The following DNAI3 variants were observed in gnomAD, a reference collection of about 807,000 sequenced individuals.
DNAI3 encodes the protein dynein axonemal intermediate chain 3, also known as WD repeat domain 63.
DNAI3 carries 83 observed loss-of-function variants against 115.5 expected under a neutral mutation model. The observed-to-expected ratio is 0.72, with a 90% CI of 0.60 to 0.86. DNAI3 has a LOEUF of 0.86. DNAI3 is among the 40% of genes least tolerant of loss of function. The probability of loss-of-function intolerance (pLI) is 0.00; values close to 1 mark genes in which losing one functional copy is unlikely to be tolerated. For missense variants in DNAI3, 1,004 were observed against 1,075.8 expected (o/e 0.93, Z 0.93); for synonymous variants, 320 against 347.0 (o/e 0.92, Z 0.86).
chr1:85,102,409 TG>T (rs976664256), intron 13 of DNAI3, among the ~76,000 whole-genome samples: 1 of 152,026 alleles, frequency 6.6e-6, no homozygotes, highest in Non-Finnish European at 1.5e-5. Context: ...GTACCAAATA[TG>T]GTAAATATAA....
chr1:85,107,967 A>T, intron 14 of DNAI3, 66 bp from the exon 15 acceptor site: 1 of 1,188,138 alleles, frequency 8.4e-7, no homozygotes, highest in Non-Finnish European at 1.1e-6. Context: ...TAGCAGCATT[A>T]ATGGTAGTCC....
intron 15 of DNAI3, among the ~76,000 whole-genome samples, chr1:85,109,446 A>C (rs1464938463): frequency 4.6e-5 from 7 of 152,236 alleles, no homozygotes; most frequent in Non-Finnish European, 8.8e-5. Flanking sequence ...TGAGCTATGA[A>C]TAGTTCAAAC....
At chr1:85,077,759 G>A (rs897068216) in intron 3 of DNAI3, among the ~76,000 whole-genome samples, 8 of 151,974 alleles carry the variant, frequency 5.3e-5, no homozygotes, top group South Asian at 2.1e-4. Context: ...TGTGGTAATG[G>A]CTTCATGGGG....
chr1:85,128,940 C>T (rs759778469), intron 21 of DNAI3, 141 bp downstream of exon 21: 2 of 725,176 alleles, frequency 2.8e-6, no homozygotes, highest in East Asian at 5.8e-5. Context: ...GGATGTATTT[C>T]TGTTGTATGA....
chr1:85,072,065 G>T, intron 2 of DNAI3, 60 bp downstream of exon 2: 1 of 1,459,364 alleles, frequency 6.9e-7, no homozygotes, highest in Non-Finnish European at 9.4e-7. Flanking sequence ...TATATTAGCA[G>T]CAAAATGATT....
chr1:85,112,367 A>G (rs944438656), intron 16 of DNAI3, among the ~76,000 whole-genome samples: 1 of 152,268 alleles, frequency 6.6e-6, no homozygotes, highest in Non-Finnish European at 1.5e-5. Flanking sequence ...TTTTTAGCGT[A>G]GACCTATTAC....
intron 2 of DNAI3, among the ~76,000 whole-genome samples, chr1:85,072,360 C>G (rs530662419): frequency 6.6e-6 from 1 of 152,276 alleles, no homozygotes; most frequent in African/African-American, 2.4e-5. Context: ...TTATAGTAAA[C>G]TGGCTGGGCG....
intron 1 of DNAI3, among the ~76,000 whole-genome samples, chr1:85,069,320 A>G (rs1183423460): frequency 6.6e-6 from 1 of 151,454 alleles, no homozygotes; most frequent in Non-Finnish European, 1.5e-5. Flanking sequence ...TCCAATGTCC[A>G]GTTCCTTTTC....
At chr1:85,081,797 G>A (rs1157328899) in intron 4 of DNAI3, among the ~76,000 whole-genome samples, 2 of 152,108 alleles carry the variant, frequency 1.3e-5, no homozygotes, top group Non-Finnish European at 2.9e-5. Flanking sequence ...ACAGGCACAG[G>A]CATGCCCAAC....
chr1:85,080,046 CTTTTTTTT>C (rs35938324), intron 3 of DNAI3, among the ~76,000 whole-genome samples: 25 of 68,402 alleles, frequency 3.7e-4, no homozygotes, highest in South Asian at 6.8e-4. Flanking sequence ...TTTTCTTTTT[CTTTTTTTT>C]TTTTTTTTTT....
intron 18 of DNAI3, among the ~76,000 whole-genome samples, chr1:85,123,919 T>C (rs1439009991): frequency 6.6e-6 from 1 of 152,222 alleles, no homozygotes; most frequent in Non-Finnish European, 1.5e-5. Context: ...AAAATGGCCT[T>C]GATGGGATGT....
chr1:85,074,219 C>T (rs1654378422), intron 3 of DNAI3, among the ~76,000 whole-genome samples: 1 of 152,186 alleles, frequency 6.6e-6, no homozygotes, highest in South Asian at 2.1e-4. Flanking sequence ...TCGGTTAGTT[C>T]CCAAGGCTCC....
intron 20 of DNAI3, 41 bp from the exon 21 acceptor site, chr1:85,128,667 G>C: frequency 6.5e-7 from 1 of 1,537,260 alleles, no homozygotes; most frequent in Non-Finnish European, 8.9e-7. Flanking sequence ...ATGGTTTTCT[G>C]TTTGCTGATT....
intron 1 of DNAI3, among the ~76,000 whole-genome samples, chr1:85,071,515 C>T (rs1464572343): frequency 1.3e-5 from 2 of 152,190 alleles, no homozygotes; most frequent in Non-Finnish European, 2.9e-5. Flanking sequence ...GTGGGCCTGT[C>T]ACTCCCAGTG....
Position 85,113,079 on chromosome 1 carries a change from CTTA to C in DNAI3, c.1786+2950_1786+2952del, listed in dbSNP as rs1020567184. Among the ~76,000 whole-genome samples, 82 of 152,262 alleles carry C rather than the reference CTTA, an allele frequency of 5.4e-4. 1 individual carries two copies. The highest frequency in any genetic ancestry group is 1.8e-3 in the African/African-American group (75 of 41,576). ...CCACCACATCTGGCCTGTTTGTTTT[CTTA>C]TTATTGAATTCTGAGAGTTCTTAAT... On this transcript the variant is annotated intron_variant, in intron 16 of 22. Transcript: ENST00000294664.
intron 22 of DNAI3, among the ~76,000 whole-genome samples, chr1:85,132,465 C>T (rs1656364400): frequency 6.6e-6 from 1 of 152,214 alleles, no homozygotes; most frequent in Non-Finnish European, 1.5e-5. Context: ...GAGACTCAGC[C>T]TGGGACAGTA....
At chr1:85,090,939 T>C (rs1654954236) in intron 8 of DNAI3, among the ~76,000 whole-genome samples, 2 of 152,244 alleles carry the variant, frequency 1.3e-5, no homozygotes, top group South Asian at 4.1e-4. Flanking sequence ...GTCAAGTTCA[T>C]ATATAGCCCA....
chr1:85,079,676 A>G (rs1654570728), intron 3 of DNAI3, among the ~76,000 whole-genome samples: 1 of 152,094 alleles, frequency 6.6e-6, no homozygotes, highest in South Asian at 2.1e-4. Context: ...AAACAGGAAG[A>G]AGGCTTGAGA....
intron 5 of DNAI3, among the ~76,000 whole-genome samples, chr1:85,083,563 A>G (rs892316328): frequency 2.0e-5 from 3 of 152,118 alleles, no homozygotes; most frequent in Non-Finnish European, 4.4e-5. Context: ...AACATTTTCA[A>G]TTTTATTTTT....
Sources: gnomAD v4.1 joint callset for allele counts (sites outside exome capture counted in the v4.1 genomes callset) on GRCh38, gnomAD v4.1.1 for gene constraint, MANE v1.5 for transcripts, NCBI Gene and HGNC (gene_info 2026-07-23, HGNC 2026-07-21) for gene names.